The following MCOLN3 variants were observed in gnomAD, a reference collection of about 807,000 sequenced individuals.
MCOLN3 encodes the protein mucolipin-3.
MCOLN3 carries 62 observed loss-of-function variants against 69.4 expected under a neutral mutation model. The observed-to-expected ratio is 0.89, with a 90% confidence interval of 0.73 to 1.10. The LOEUF is 1.10. Ranked by LOEUF, MCOLN3 falls within the 50% of genes least tolerant of loss-of-function variation. The pLI is 0.00. For missense variants in MCOLN3, 564 were observed against 656.4 expected (o/e 0.86, Z 1.54); for synonymous variants, 183 against 217.0 (o/e 0.84, Z 1.38).
chr1:85,021,091 A>T lies in MCOLN3; in HGVS notation c.1506T>A (p.Thr502=), dbSNP rs200632480. The T allele has an allele frequency of 6.2e-7, 1 of 1,609,658 alleles. No individual in the cohort carries two copies. Among genetic ancestry groups the T allele is most frequent in the African/African-American group, 1.3e-5 (1 of 74,890 alleles). The change falls in exon 12 of 13, where the codon ACT becomes ACA. Residue 502 remains threonine, a synonymous_variant. Coordinates refer to ENST00000370589, the MANE Select transcript of MCOLN3 (RefSeq NM_018298.11). ...MILSLFIALI[T]DTYETIKQYQ... is the part of the protein sequence containing the mutation. ...CTACCTTAATTGTTTCGTATGTATC[A>T]GTGATCAGTGCAATGAAAAGACTTA...
rs1005809317 is a variant in MCOLN3 at position 85,032,688 on chromosome 1, A to C, written c.732+8T>G. The C allele has an allele frequency of 6.9e-6, 11 of 1,599,184 alleles. No individual in the cohort carries two copies. Among genetic ancestry groups the C allele is most frequent in the East Asian group, 6.7e-5 (3 of 44,502 alleles). On this transcript the variant is annotated splice_region_variant and intron_variant, in intron 6 of 12. Coordinates refer to ENST00000370589, the MANE Select transcript of MCOLN3 (RefSeq NM_018298.11). ...ACTGGAACCAAATTCAGCCTGGCCC[A>C]CACTTACAGTCAGAGTAAAGTCATA...
At chr1:85,036,888 T>G (rs1405644116) in intron 3 of MCOLN3, 1 of 152,218 alleles carries the variant, frequency 6.6e-6, no homozygotes, top group Non-Finnish European at 1.5e-5. Flanking sequence ...AAGATTTTAG[T>G]TAAACTTGTT....
chr1:85,021,317 C>G (rs1256746866), intron 11 of MCOLN3, 41 bp from the exon 12 acceptor site: 6 of 1,524,320 alleles, frequency 3.9e-6, no homozygotes, highest in Non-Finnish European at 5.4e-6. Flanking sequence ...ATTCCATGTT[C>G]CTTCCCATTG....
chr1:85,021,836 C>T (rs543237308), intron 11 of MCOLN3, among the ~76,000 whole-genome samples: 13 of 152,220 alleles, frequency 8.5e-5, no homozygotes, highest in Admixed American at 2.6e-4. Flanking sequence ...TGGTGGTAAA[C>T]GGGACTTAAT....
intron 2 of MCOLN3, among the ~76,000 whole-genome samples, chr1:85,044,655 T>G (rs575810978): frequency 6.6e-6 from 1 of 152,338 alleles, no homozygotes; most frequent in African/African-American, 2.4e-5. Context: ...CCTCTTCTGT[T>G]AGTTAACTTC....
intron 9 of MCOLN3, chr1:85,022,725 G>A: frequency 5.0e-6 from 1 of 200,218 alleles, no homozygotes; most frequent in Non-Finnish European, 1.0e-5. Context: ...GGGAGGGAGG[G>A]AGAAGTCATG....
chr1:85,035,989 C>G (rs925117787), intron 3 of MCOLN3, among the ~76,000 whole-genome samples: 7 of 152,160 alleles, frequency 4.6e-5, no homozygotes, highest in African/African-American at 1.7e-4. Flanking sequence ...GTCAGAGAGA[C>G]CTTCTCCAAC....
At chr1:85,040,086 G>T (rs958609181) in intron 3 of MCOLN3, among the ~76,000 whole-genome samples, 1 of 152,056 alleles carries the variant, frequency 6.6e-6, no homozygotes, top group Admixed American at 6.6e-5. Context: ...TTCTAAAAAC[G>T]GAGTATCTCC....
intron 12 of MCOLN3, 49 bp downstream of exon 12, chr1:85,021,021 C>G (rs770570914): frequency 9.9e-6 from 14 of 1,407,744 alleles, no homozygotes; most frequent in Non-Finnish European, 1.3e-5. Context: ...TACTGCTACT[C>G]TACAAGTTAT....
chr1:85,048,244 C>A (rs1335366548), intron 1 of MCOLN3, among the ~76,000 whole-genome samples, 152 bp downstream of exon 1: 1 of 152,018 alleles, frequency 6.6e-6, no homozygotes, highest in Admixed American at 6.6e-5. Context: ...AGCTCCAGCC[C>A]GCCTGCCCTC....
chr1:85,031,756 C>T (rs1652535571), intron 6 of MCOLN3, among the ~76,000 whole-genome samples: 1 of 152,078 alleles, frequency 6.6e-6, no homozygotes, highest in African/African-American at 2.4e-5. Context: ...ATTTAAATCA[C>T]TTTAAAAGAT....
At chr1:85,031,548 A>C (rs1652522508) in intron 6 of MCOLN3, among the ~76,000 whole-genome samples, 1 of 152,150 alleles carries the variant, frequency 6.6e-6, no homozygotes, top group African/African-American at 2.4e-5. Flanking sequence ...GATGCTAATA[A>C]GAACTTTAAA....
At position 85,026,079 on chromosome 1, in the gene MCOLN3, T is replaced by A; in HGVS notation, c.955A>T (p.Asn319Tyr). The change falls in exon 9 of 13, where the codon AAT becomes TAT. Residue 319 changes from asparagine to tyrosine, a missense_variant. Transcript: ENST00000370589. ...RGLQLQQEFV[N>Y]FFLLHYKKEV... ...TTCTTATAATGGAGGAGGAAAAAAT[T>A]GACAAACTCCTTTAGGGAAAAGAGG... 6.2e-7 allele frequency: 1 copy of A among 1,602,118 alleles called. No homozygotes were observed. Among genetic ancestry groups the A allele is most frequent in the African/African-American group, 1.3e-5 (1 of 74,282 alleles).
intron 2 of MCOLN3, among the ~76,000 whole-genome samples, chr1:85,043,297 AG>A (rs1653162815): frequency 6.6e-6 from 1 of 152,172 alleles, no homozygotes; most frequent in Non-Finnish European, 1.5e-5. Flanking sequence ...TGGGAGGCCT[AG>A]GTGGATGGAT....
At position 85,021,111 on chromosome 1, in the gene MCOLN3, G is replaced by T. The variant is rs1003629599; in HGVS notation, c.1486C>A (p.Leu496Ile). The T allele has an allele frequency of 1.6e-5, 25 of 1,611,458 alleles. No individual in the cohort carries two copies. Among genetic ancestry groups the T allele is most frequent in the Non-Finnish European group, 1.5e-5 (18 of 1,179,220 alleles). The change falls in exon 12 of 13, where the codon CTT becomes ATT. Residue 496 changes from leucine (L) to isoleucine (I), a missense_variant. Transcript: ENST00000370589. ...GTATCAGTGATCAGTGCAATGAAAAGACTTAAAATCATATATATAAAGAGG... is the reference window on the plus strand; with the variant it reads ...GTATCAGTGATCAGTGCAATGAAAATACTTAAAATCATATATATAAAGAGG... ...ISLFIYMILS[L>I]FIALITDTYE...
chr1:85,023,830 A>G (rs1273283461), intron 9 of MCOLN3, among the ~76,000 whole-genome samples: 1 of 152,190 alleles, frequency 6.6e-6, no homozygotes, highest in Non-Finnish European at 1.5e-5. Context: ...GCAAAGTCAG[A>G]AGACCAGCCA....
At chr1:85,045,609 G>C (rs1341819175) in intron 1 of MCOLN3, among the ~76,000 whole-genome samples, 4 of 152,144 alleles carry the variant, frequency 2.6e-5, no homozygotes, top group African/African-American at 4.8e-5. Flanking sequence ...TTCAAGGGCT[G>C]CTCCCATTAG....
rs539852498 is a variant in MCOLN3, at chr1:85,027,667, G to A, written c.833-1383C>T. 5.4e-4 allele frequency among the ~76,000 whole-genome samples: 82 copies of A among 152,246 alleles called. 1 individual carries two copies. The highest frequency in any genetic ancestry group is 6.0e-4 in the Non-Finnish European group (41 of 68,014). On this transcript the variant is annotated intron_variant, in intron 7 of 12. Transcript: ENST00000370589. ...GCTCTATATGAGGGAGGTTAGTGTCGGGCAATGTGGAAGCAGAGAGGTTGA... is the reference window on the plus strand; with the variant it reads ...GCTCTATATGAGGGAGGTTAGTGTCAGGCAATGTGGAAGCAGAGAGGTTGA...
At chr1:85,047,081 G>A (rs961333803) in intron 1 of MCOLN3, among the ~76,000 whole-genome samples, 9 of 152,210 alleles carry the variant, frequency 5.9e-5, no homozygotes, top group Non-Finnish European at 1.3e-4. Context: ...GCTCGCATAT[G>A]AACACCAACA....
Sources: gnomAD v4.1 joint callset for allele counts (sites outside exome capture counted in the v4.1 genomes callset) on GRCh38, gnomAD v4.1.1 for gene constraint, MANE v1.5 for transcripts, NCBI Gene and HGNC (gene_info 2026-07-23, HGNC 2026-07-21) for gene names.